GLIS3: variants seen among roughly 807,000 people sequenced by gnomAD.
GLIS3 encodes the protein GLIS family zinc finger 3, also known as zinc finger protein GLIS3.
Under a neutral mutation model 78.6 loss-of-function variants are expected in GLIS3, and 53 were observed. That is an observed-to-expected ratio of 0.67 (90% CI 0.54 to 0.85). The LOEUF is 0.85. Ranked by LOEUF, GLIS3 falls within the 40% of genes least tolerant of loss-of-function variation. GLIS3 has a pLI of 0.00. For synonymous variants in GLIS3, 684 were observed against 509.9 expected (o/e 1.34, Z -4.60); for missense variants, 1,703 against 1,231.1 (o/e 1.38, Z -5.74).
intron 8 of GLIS3, among the ~76,000 whole-genome samples, chr9:3,874,495 C>T (rs998065244): frequency 5.9e-5 from 9 of 152,176 alleles, no homozygotes; most frequent in Admixed American, 2.0e-4. Flanking sequence ...TTAATAGAAC[C>T]GGAGGAGGGG....
the GLIS3 span, among the ~76,000 whole-genome samples, chr9:4,422,892 G>C: frequency 6.6e-6 from 1 of 152,180 alleles, no homozygotes; most frequent in Non-Finnish European, 1.5e-5. Context: ...TAAACCCTCA[G>C]TTCCTTTGAA....
chr9:4,015,888 CAAAAAA>C (rs1049791263), intron 4 of GLIS3, among the ~76,000 whole-genome samples: 5 of 32,254 alleles, frequency 1.6e-4, no homozygotes, highest in Non-Finnish European at 3.5e-4. Flanking sequence ...GACTCTGTCT[CAAAAAA>C]AAAAAAAAAA....
chr9:4,135,841 C>T (rs999840496), intron 2 of GLIS3, among the ~76,000 whole-genome samples: 2 of 152,154 alleles, frequency 1.3e-5, no homozygotes, highest in African/African-American at 4.8e-5. Flanking sequence ...ATTCTCTCAC[C>T]TTTCATGAAT....
chr9:3,850,851 C>G (rs913012967), intron 9 of GLIS3, among the ~76,000 whole-genome samples: 1 of 152,208 alleles, frequency 6.6e-6, no homozygotes, highest in Non-Finnish European at 1.5e-5. Context: ...TGCTTCCCCT[C>G]TGCCTGGAAT....
At chr9:4,091,655 G>A (rs1829514131) in intron 4 of GLIS3, among the ~76,000 whole-genome samples, 3 of 152,162 alleles carry the variant, frequency 2.0e-5, no homozygotes, top group South Asian at 4.2e-4. Flanking sequence ...TACGTATGGC[G>A]AGCATCCCCC....
chr9:4,453,114 G>T, the GLIS3 span, among the ~76,000 whole-genome samples: 1 of 152,218 alleles, frequency 6.6e-6, no homozygotes, highest in Admixed American at 6.5e-5. Flanking sequence ...GCCATATGTA[G>T]AAAGCTGAAA....
intron 2 of GLIS3, among the ~76,000 whole-genome samples, chr9:4,279,294 T>C (rs1453511079): frequency 1.8e-4 from 3 of 16,430 alleles, no homozygotes; most frequent in East Asian, 1.8e-3. Context: ...CAAGACTCCA[T>C]CTCAAAAAAA....
intron 2 of GLIS3, among the ~76,000 whole-genome samples, chr9:4,151,367 C>T (rs1243313042): frequency 6.6e-6 from 1 of 152,202 alleles, no homozygotes; most frequent in Non-Finnish European, 1.5e-5. Context: ...AGCAGAAACA[C>T]AGCTAAACCA....
chr9:4,444,360 C>T, the GLIS3 span, among the ~76,000 whole-genome samples: 5 of 152,336 alleles, frequency 3.3e-5, no homozygotes, highest in South Asian at 2.1e-4. Context: ...TAATCACATG[C>T]TAAGTTTATG....
intron 9 of GLIS3, among the ~76,000 whole-genome samples, chr9:3,843,509 C>T (rs944225319): frequency 3.3e-5 from 5 of 152,132 alleles, no homozygotes; most frequent in African/African-American, 1.2e-4. Context: ...CACTGGATCC[C>T]GGGATCTCTG....
chr9:4,283,042 G>A (rs931564674), intron 2 of GLIS3, among the ~76,000 whole-genome samples: 11 of 151,518 alleles, frequency 7.3e-5, no homozygotes, highest in Non-Finnish European at 1.6e-4. Context: ...TCCCTTCCCA[G>A]AATAAGTCCC....
At chr9:4,307,513 GAAT>G (rs1817258008) in intron 4 of GLIS3, among the ~76,000 whole-genome samples, 1 of 151,774 alleles carries the variant, frequency 6.6e-6, no homozygotes, top group African/African-American at 2.4e-5. Context: ...CTGATAGGGA[GAAT>G]AATGTCCCCC....
rs1480879696 is a variant in GLIS3, at chr9:3,824,246, A to G, written c.*4026T>C. 1 of 152,626 alleles carries G rather than the reference A, an allele frequency of 6.6e-6. No individual in the cohort carries two copies. The highest frequency in any genetic ancestry group is 1.5e-5 in the Non-Finnish European group (1 of 68,038). The allele number at this position is 152,626 out of a possible 1,614,324, so 9.5% of individuals were successfully genotyped here. Reference sequence around the variant, plus strand: ...TCATTTTTACTGCCATTTCCTCCTCATATCTATAATTAAATCCAGGCTACA... The same window carrying G: ...TCATTTTTACTGCCATTTCCTCCTCGTATCTATAATTAAATCCAGGCTACA... On this transcript the variant is annotated 3_prime_UTR_variant, in exon 11 of 11. Transcript: ENST00000381971.
At chr9:3,910,223 T>C (rs1480148884) in intron 6 of GLIS3, among the ~76,000 whole-genome samples, 1 of 152,232 alleles carries the variant, frequency 6.6e-6, no homozygotes, top group Non-Finnish European at 1.5e-5. Flanking sequence ...TTTTTTAGTA[T>C]TTGAGAAGCT....
chr9:4,239,319 TAAAA>T (rs142806886), intron 2 of GLIS3, among the ~76,000 whole-genome samples: 1 of 144,516 alleles, frequency 6.9e-6, no homozygotes, highest in African/African-American at 2.5e-5. Flanking sequence ...AAAGTATAAT[TAAAA>T]AAAAAACCAA....
chr9:3,847,571 T>C (rs1435381112), intron 9 of GLIS3, among the ~76,000 whole-genome samples: 3 of 152,260 alleles, frequency 2.0e-5, no homozygotes, highest in African/African-American at 2.4e-5. Context: ...CATGCACTCA[T>C]GCTTGTGTGT....
At chr9:4,074,014 T>C (rs1324164126) in intron 4 of GLIS3, among the ~76,000 whole-genome samples, 2 of 152,154 alleles carry the variant, frequency 1.3e-5, no homozygotes, top group African/African-American at 2.4e-5. Flanking sequence ...GAAGTTTTAT[T>C]CATTTAAATT....
the GLIS3 span, among the ~76,000 whole-genome samples, chr9:4,374,644 T>G: frequency 6.6e-6 from 1 of 152,228 alleles, no homozygotes; most frequent in Non-Finnish European, 1.5e-5. Flanking sequence ...GGGCATCTTG[T>G]CTTCTCCACC....
the GLIS3 span, among the ~76,000 whole-genome samples, chr9:4,382,460 A>G: frequency 6.6e-6 from 1 of 152,168 alleles, no homozygotes; most frequent in Non-Finnish European, 1.5e-5. Context: ...ATCTACAAGA[A>G]TCTCCTCTTC....
Sources: allele counts gnomAD v4.1 joint callset (sites outside exome capture counted in the v4.1 genomes callset), GRCh38; gene constraint gnomAD v4.1.1; transcripts MANE v1.5; gene names NCBI Gene and HGNC (gene_info 2026-07-23, HGNC 2026-07-21).